Variants in SLC16A2 observed in about 807,000 individuals in gnomAD.
SLC16A2 encodes monocarboxylate transporter 8.
SLC16A2 carries 3 observed loss-of-function variants against 27.2 expected under a neutral mutation model. That is an observed-to-expected ratio of 0.11 (90% CI 0.05 to 0.28). The LOEUF is 0.28. Ranked by LOEUF, SLC16A2 falls within the 10% of genes least tolerant of loss-of-function variation. The probability of loss-of-function intolerance (pLI) is 1.00; values close to 1 mark genes in which losing one functional copy is unlikely to be tolerated. For synonymous variants in SLC16A2, 202 were observed against 187.8 expected (o/e 1.08, Z -0.62); for missense variants, 295 against 458.5 (o/e 0.64, Z 3.26).
chrX:74,465,810 G>T (rs776044569), intron 1 of SLC16A2, among the ~76,000 whole-genome samples: 1 of 109,137 alleles, frequency 9.2e-6, no homozygotes, highest in East Asian at 2.8e-4. Flanking sequence ...GGGGACAGAA[G>T]GGGGAGGTGG....
intron 1 of SLC16A2, among the ~76,000 whole-genome samples, chrX:74,462,041 G>A (rs1238873643): frequency 3.6e-5 from 4 of 111,411 alleles, no homozygotes; most frequent in Admixed American, 1.9e-4. Flanking sequence ...GCCCCTTCCC[G>A]TGAACTCCCT....
At chrX:74,497,050 C>A (rs1207776152) in intron 1 of SLC16A2, among the ~76,000 whole-genome samples, 1 of 111,857 alleles carries the variant, frequency 8.9e-6, no homozygotes, top group Non-Finnish European at 1.9e-5. Context: ...CGTCCAGCAG[C>A]TTGTGTGTGT....
intron 1 of SLC16A2, among the ~76,000 whole-genome samples, chrX:74,513,295 C>G (rs1425542674): frequency 9.0e-6 from 1 of 111,703 alleles, no homozygotes; most frequent in Non-Finnish European, 1.9e-5. Flanking sequence ...CTGTTAAAAT[C>G]CACCCAACTC....
intron 1 of SLC16A2, among the ~76,000 whole-genome samples, chrX:74,517,195 G>A (rs1029421980): frequency 8.9e-6 from 1 of 112,109 alleles, no homozygotes; most frequent in African/African-American, 3.2e-5. Context: ...TACATAAGGG[G>A]AAACTTGGTG....
chrX:74,454,603 G>A (rs908195662), intron 1 of SLC16A2, among the ~76,000 whole-genome samples: 7 of 106,645 alleles, frequency 6.6e-5, no homozygotes, highest in Non-Finnish European at 1.4e-4. Flanking sequence ...GGGAGGGATA[G>A]CATTAGGAGA....
At chrX:74,509,999 C>T (rs915835425) in intron 1 of SLC16A2, among the ~76,000 whole-genome samples, 15 of 112,425 alleles carry the variant, frequency 1.3e-4, no homozygotes, top group African/African-American at 4.2e-4. Flanking sequence ...CAGGGTAATA[C>T]TGGCCTTATA....
intron 1 of SLC16A2, among the ~76,000 whole-genome samples, chrX:74,485,179 G>A (rs373601827): frequency 4.0e-5 from 4 of 99,374 alleles, no homozygotes; most frequent in African/African-American, 1.5e-4. Flanking sequence ...TCGCACCATT[G>A]CACTCCAGCC....
At chrX:74,489,970 T>TACACACACACAC (rs55975734) in intron 1 of SLC16A2, among the ~76,000 whole-genome samples, 2,678 of 87,106 alleles carry the variant, frequency 0.031, 138 homozygotes, top group East Asian at 0.14. Context: ...GTCACACACA[T>TACACACACACAC]ACACACACAC....
intron 5 of SLC16A2, 90 bp downstream of exon 5, chrX:74,529,531 T>A (rs750707323): frequency 5.7e-5 from 38 of 664,423 alleles, no homozygotes; most frequent in Non-Finnish European, 8.5e-5. Context: ...TTGAGGCCCC[T>A]TTTCCTCTTA....
chrX:74,482,953 C>CT (rs1172881312), intron 1 of SLC16A2, among the ~76,000 whole-genome samples: 1 of 112,119 alleles, frequency 8.9e-6, no homozygotes, highest in Non-Finnish European at 1.9e-5. Context: ...GATCCTCTTG[C>CT]TTTGGCCTCT....
chrX:74,507,057 T>TC (rs770786008), intron 1 of SLC16A2, among the ~76,000 whole-genome samples: 132 of 105,410 alleles, frequency 1.3e-3, no homozygotes, highest in Admixed American at 5.4e-3. Context: ...CAACACCCGC[T>TC]CCCCCCCCAA....
chrX:74,460,040 C>T (rs1929108763), intron 1 of SLC16A2, among the ~76,000 whole-genome samples: 1 of 111,614 alleles, frequency 9.0e-6, no homozygotes, highest in Non-Finnish European at 1.9e-5. Context: ...TTTTTAAAGA[C>T]TAAAGGTCCC....
chrX:74,435,533 A>ATGTG (rs750070122), intron 1 of SLC16A2, among the ~76,000 whole-genome samples: 2 of 81,350 alleles, frequency 2.5e-5, no homozygotes, highest in South Asian at 5.9e-4. Context: ...ATGCATATAT[A>ATGTG]TATGTATATA....
rs1419890856 is a variant in SLC16A2, at chrX:74,524,574, A to T, written c.791A>T (p.Gln264Leu). ...GDKIKLAQTF[Q>L]VLSTFMFVLM... ...AAGATCAAGCTGGCCCAAACCTTCC[A>T]GGTGCTGAGTACCTTCATGTTTGTT... Residue 264 changes from glutamine (Q) to leucine (L), a missense_variant, in exon 3 of 6, where the codon CAG (glutamine) becomes CTG (leucine). By Grantham distance (113) the Gln-to-Leu change is moderately radical (BLOSUM62 -2). Around this residue, in one of 3 missense-constraint regions of SLC16A2, gnomAD observed 59 missense variants for 153.6 expected, o/e 0.38. Transcript: ENST00000587091. 1 of 1,209,024 alleles carries T rather than the reference A, an allele frequency of 8.3e-7. No individual in the cohort carries two copies. Among genetic ancestry groups the T allele is most frequent in the Non-Finnish European group, 1.1e-6 (1 of 894,997 alleles).
chrX:74,487,968 A>G (rs6607474), intron 1 of SLC16A2, among the ~76,000 whole-genome samples: 34,148 of 111,111 alleles, frequency 0.31, 5,004 homozygotes, highest in East Asian at 0.86. Flanking sequence ...TTTAGCTTGT[A>G]GTAACCAAAA....
At chrX:74,510,628 G>A (rs1206923698) in intron 1 of SLC16A2, among the ~76,000 whole-genome samples, 1 of 111,773 alleles carries the variant, frequency 8.9e-6, no homozygotes, top group Non-Finnish European at 1.9e-5. Context: ...ATTAGTAACT[G>A]AACCCCTAAA....
intron 1 of SLC16A2, 30 bp from the exon 2 acceptor site, chrX:74,520,960 A>T (rs1328826253): frequency 1.7e-6 from 2 of 1,208,113 alleles, no homozygotes; most frequent in African/African-American, 3.5e-5. Flanking sequence ...ACACTAAGCT[A>T]AAGTGTCTTT....
At chrX:74,506,991 G>C (rs1327437466) in intron 1 of SLC16A2, among the ~76,000 whole-genome samples, 6 of 106,071 alleles carry the variant, frequency 5.7e-5, no homozygotes, top group African/African-American at 1.8e-4. Context: ...GGAGTGCAGT[G>C]GTGCAATCTC....
chrX:74,491,508 G>A (rs1272444428), intron 1 of SLC16A2, among the ~76,000 whole-genome samples: 1 of 111,840 alleles, frequency 8.9e-6, no homozygotes, highest in Non-Finnish European at 1.9e-5. Flanking sequence ...CATTGTAAAT[G>A]TTTCTTATCA....
Sources: gnomAD v4.1 joint callset for allele counts (sites outside exome capture counted in the v4.1 genomes callset) on GRCh38, gnomAD v4.1.1 for gene constraint, gnomAD v4.1.1 regional missense constraint, MANE v1.5 for transcripts, NCBI Gene and HGNC (gene_info 2026-07-23, HGNC 2026-07-21) for gene names.